The following TRAPPC9 variants were observed in gnomAD, a reference collection of about 807,000 sequenced individuals.
TRAPPC9 encodes the protein IKK2 binding protein.
TRAPPC9 carries 83 observed loss-of-function variants against 124.0 expected under a neutral mutation model. The observed-to-expected ratio is 0.67, with a 90% CI of 0.56 to 0.80. The LOEUF (loss-of-function observed/expected upper bound fraction) is 0.80, where lower values mean the gene tolerates loss of function less well. Ranked by LOEUF, TRAPPC9 falls within the 30% of genes least tolerant of loss-of-function variation. The probability of loss-of-function intolerance (pLI) is 0.00; values close to 1 mark genes in which losing one functional copy is unlikely to be tolerated. For missense variants in TRAPPC9, 1,302 were observed against 1,508.3 expected, an observed-to-expected ratio of 0.86 and a Z score of 2.27; for synonymous variants, 638 against 617.5, an observed-to-expected ratio of 1.03 and a Z score of -0.49.
chr8:140,124,510 ATG>A (rs1278460430), intron 17 of TRAPPC9, among the ~76,000 whole-genome samples: 24 of 152,236 alleles, frequency 1.6e-4, no homozygotes, highest in African/African-American at 5.3e-4. Flanking sequence ...GTCAGGTCAC[ATG>A]TACACAAGGT....
chr8:139,862,879 C>T (rs866499851), intron 21 of TRAPPC9, among the ~76,000 whole-genome samples: 1 of 152,348 alleles, frequency 6.6e-6, no homozygotes, highest in East Asian at 1.9e-4. Context: ...GGTCATTGTA[C>T]AGACATGTGT....
intron 17 of TRAPPC9, among the ~76,000 whole-genome samples, chr8:140,120,936 C>T (rs550773068): frequency 2.0e-5 from 3 of 152,326 alleles, no homozygotes; most frequent in African/African-American, 7.2e-5. Flanking sequence ...GCCATCCATC[C>T]AACATCATCC....
At chr8:139,922,990 G>C (rs560558162) in intron 19 of TRAPPC9, among the ~76,000 whole-genome samples, 1 of 152,282 alleles carries the variant, frequency 6.6e-6, no homozygotes, top group South Asian at 2.1e-4. Context: ...TCCCTCATCA[G>C]GCTCATCAGA....
chr8:140,441,062 T>C (rs1221199985), intron 2 of TRAPPC9, among the ~76,000 whole-genome samples: 1 of 133,420 alleles, frequency 7.5e-6, no homozygotes, highest in Non-Finnish European at 1.5e-5. Flanking sequence ...CACTGCAACC[T>C]CCAAGTCCTG....
Position 140,451,342 on chromosome 8 carries a change from T to A in TRAPPC9, c.32A>T (p.Glu11Val), listed in dbSNP as rs752060679. The A allele has an allele frequency of 6.9e-6, 11 of 1,605,734 alleles. No homozygotes were observed. In the South Asian group the frequency reaches 1.2e-4, roughly 18 times the overall value. The change falls in exon 2 of 23, where the codon GAG (glutamate) becomes GTG (valine). Residue 11 changes from glutamate (E) to valine (V), a missense_variant. Physicochemically the swap from Glu to Val is moderately radical, Grantham distance 121 (BLOSUM62 -2). This residue lies in a region of TRAPPC9 where 657 missense variants were observed against 811.2 expected (regional missense o/e 0.81). Transcript: ENST00000438773. MSVPDYMQCA[E>V]DHQTLLVVVQ... The stretch of plus-strand genomic sequence containing the variant: ...CACCACGAGCAGCGTCTGGTGGTCC[T>A]CAGCACACTGCATGTAGTCAGGGAC...
At chr8:140,377,091 A>AC (rs1354873905) in intron 7 of TRAPPC9, among the ~76,000 whole-genome samples, 2 of 151,996 alleles carry the variant, frequency 1.3e-5, no homozygotes, top group East Asian at 3.9e-4. Flanking sequence ...TCCGCGCTTG[A>AC]CCCCTGATCA....
intron 9 of TRAPPC9, among the ~76,000 whole-genome samples, chr8:140,330,599 A>G (rs2131997779): frequency 6.6e-6 from 1 of 152,352 alleles, no homozygotes; most frequent in South Asian, 2.1e-4. Context: ...TACCAAAATG[A>G]AAGGTAATTG....
rs1429878480 is a variant in TRAPPC9 at position 140,055,066 on chromosome 8, C to A, written c.2557-30987G>T. Among the ~76,000 whole-genome samples, 3 of 152,264 alleles carry A rather than the reference C, an allele frequency of 2.0e-5. No individual in the cohort carries two copies. The South Asian group carries it at 6.2e-4, about 32-fold the overall frequency. On this transcript the variant is annotated intron_variant, in intron 17 of 22. Transcript: ENST00000438773. Reference sequence around the variant, plus strand: ...TTTAGGAGGCCAGCATTATCCTAATCCCAAAGCTAGACAAGAACCTTATTA... The same window carrying A: ...TTTAGGAGGCCAGCATTATCCTAATACCAAAGCTAGACAAGAACCTTATTA...
At chr8:140,359,928 G>A (rs540651153) in intron 9 of TRAPPC9, 122 bp downstream of exon 9, 39 of 1,405,508 alleles carry the variant, frequency 2.8e-5, no homozygotes, top group Non-Finnish European at 3.5e-5. Flanking sequence ...TGTCACTGAC[G>A]AAGAGCTGGG....
rs886062728 is a variant in TRAPPC9, at chr8:140,450,794, T to G, written c.580A>C (p.Ser194Arg). The change falls in exon 2 of 23, where the codon AGC becomes CGC. Residue 194 changes from serine (S) to arginine (R), a missense_variant. Around this residue, in one of 3 missense-constraint regions of TRAPPC9, gnomAD observed 657 missense variants for 811.2 expected, o/e 0.81. Coordinates refer to ENST00000438773, the MANE Select transcript of TRAPPC9 (RefSeq NM_001160372.4). Reference protein sequence around the residue: ...KKDFVGLDTDSRHYKKRCQGR... With the variant: ...KKDFVGLDTDRRHYKKRCQGR... ...TGGGTCTCTAGGTAAGCTTACCTGCTGTCTGTGTCCAGTCCTACAAAGTCC... is the reference window on the plus strand; with the variant it reads ...TGGGTCTCTAGGTAAGCTTACCTGCGGTCTGTGTCCAGTCCTACAAAGTCC... 4 of 1,605,734 alleles carry G rather than the reference T, an allele frequency of 2.5e-6. No individual in the cohort carries two copies. Among genetic ancestry groups the G allele is most frequent in the African/African-American group, 1.3e-5 (1 of 74,812 alleles).
At chr8:140,272,874 C>G (rs545853106) in intron 15 of TRAPPC9, among the ~76,000 whole-genome samples, 19 of 150,450 alleles carry the variant, frequency 1.3e-4, no homozygotes, top group South Asian at 8.6e-4. Context: ...CCCCACCAGA[C>G]CCCCCTCCAA....
intron 17 of TRAPPC9, among the ~76,000 whole-genome samples, chr8:140,054,070 A>C (rs955755385): frequency 5.3e-5 from 8 of 152,234 alleles, no homozygotes; most frequent in Non-Finnish European, 1.0e-4. Context: ...TTAACACAGA[A>C]ACAGAAAATC....
chr8:140,187,361 T>G (rs752033888), intron 17 of TRAPPC9, among the ~76,000 whole-genome samples: 1 of 152,120 alleles, frequency 6.6e-6, no homozygotes, highest in East Asian at 1.9e-4. Flanking sequence ...GCATCCCAAC[T>G]CGGAAAATCT....
intron 21 of TRAPPC9, among the ~76,000 whole-genome samples, chr8:139,770,683 T>A (rs573392891): frequency 6.6e-6 from 1 of 152,220 alleles, no homozygotes; most frequent in South Asian, 2.1e-4. Flanking sequence ...GGGACATCAC[T>A]AATGAGAAAC....
intron 21 of TRAPPC9, among the ~76,000 whole-genome samples, chr8:139,882,537 A>T (rs1829735311): frequency 6.6e-6 from 1 of 152,124 alleles, no homozygotes. Flanking sequence ...CAACAACGTC[A>T]ATGAAATGTC....
At chr8:139,806,138 TCCCACG>T (rs1367973871) in intron 21 of TRAPPC9, 2 of 152,202 alleles carry the variant, frequency 1.3e-5, no homozygotes, top group African/African-American at 4.8e-5. Flanking sequence ...CTTACCATCA[TCCCACG>T]CGGCAGCTGT....
intron 16 of TRAPPC9, among the ~76,000 whole-genome samples, chr8:140,232,263 A>T (rs2063617882): frequency 6.6e-6 from 1 of 151,852 alleles, no homozygotes. Context: ...GTAGTATAAG[A>T]ATGCCAGAAT....
chr8:139,879,315 G>C (rs1829537677), intron 21 of TRAPPC9, among the ~76,000 whole-genome samples: 1 of 152,192 alleles, frequency 6.6e-6, no homozygotes, highest in Non-Finnish European at 1.5e-5. Flanking sequence ...GGATGGGAGG[G>C]GAGCTTCCTG....
chr8:140,208,914 T>C (rs2062991112), intron 17 of TRAPPC9, among the ~76,000 whole-genome samples: 1 of 152,230 alleles, frequency 6.6e-6, no homozygotes, highest in African/African-American at 2.4e-5. Flanking sequence ...ACTTTTCATA[T>C]GCAGGGGTTC....
Sources: gnomAD v4.1 joint callset for allele counts (sites outside exome capture counted in the v4.1 genomes callset) on GRCh38, gnomAD v4.1.1 for gene constraint, gnomAD v4.1.1 regional missense constraint, MANE v1.5 for transcripts, NCBI Gene and HGNC (gene_info 2026-07-23, HGNC 2026-07-21) for gene names.